The following FHOD1 variants were observed in gnomAD, a reference collection of about 807,000 sequenced individuals.
The protein encoded by FHOD1 is formin homology 2 domain containing 1, also known as FH1/FH2 domain-containing protein 1.
In FHOD1, 89 loss-of-function variants were observed where a neutral mutation model predicts 111.6. The observed-to-expected ratio is 0.80, with a 90% CI of 0.67 to 0.95. The LOEUF is 0.95. FHOD1 is among the 40% of genes least tolerant of loss of function. The probability of loss-of-function intolerance (pLI) is 0.00; values close to 1 mark genes in which losing one functional copy is unlikely to be tolerated. For missense variants in FHOD1, 1,446 were observed against 1,554.2 expected, an observed-to-expected ratio of 0.93 and a Z score of 1.17; for synonymous variants, 618 against 639.0, an observed-to-expected ratio of 0.97 and a Z score of 0.50.
chr16:67,239,431 C>A lies in FHOD1; in HGVS notation c.225G>T (p.Val75=). 6.2e-7 allele frequency: 1 copy of A among 1,614,082 alleles called. No homozygotes were observed. Among genetic ancestry groups the A allele is most frequent in the Non-Finnish European group, 8.5e-7 (1 of 1,179,988 alleles). ...TGTCCAGGTAGTATCCGGAGGGAGA[C>A]ACTTGCAGAGCACAATCCTCCAACT... is the stretch of plus-strand genomic sequence containing the variant. ...PLKLEDCALQ[V]SPSGYYLDTE... is the part of the protein sequence containing the mutation. The change falls in exon 2 of 22, where the codon GTG becomes GTT. Residue 75 remains valine, a synonymous_variant. Coordinates refer to ENST00000258201, the MANE Select transcript of FHOD1 (RefSeq NM_013241.3).
chr16:67,231,904 G>A lies in FHOD1; in HGVS notation c.2203-85C>T. ...TTGGTCTTGACCCCTCAGTCATCTA[G>A]GGGAGGCCCCAGTGTCTGGGGACTG... On this transcript the variant is annotated intron_variant, in intron 14 of 21. Transcript: ENST00000258201. This position sits in a 1 kb window ranked among gnomAD's most constrained non-coding sequence, Gnocchi z 4.3. The A allele has an allele frequency of 6.5e-7, 1 of 1,544,668 alleles. No individual in the cohort carries two copies. Among genetic ancestry groups the A allele is most frequent in the Non-Finnish European group, 8.8e-7 (1 of 1,141,084 alleles).
Position 67,231,911 on chromosome 16 carries a change from C to T in FHOD1, c.2203-92G>A. The T allele has an allele frequency of 6.5e-7, 1 of 1,535,542 alleles. No individual in the cohort carries two copies. The highest frequency in any genetic ancestry group is 8.8e-7 in the Non-Finnish European group (1 of 1,134,016). ...TGACCCCTCAGTCATCTAGGGGAGG[C>T]CCCAGTGTCTGGGGACTGCCCTGCA... On this transcript the variant is annotated intron_variant, in intron 14 of 21. Coordinates refer to ENST00000258201, the MANE Select transcript of FHOD1 (RefSeq NM_013241.3). The surrounding 1 kb of genome is among the most constrained non-coding windows in gnomAD (Gnocchi z 4.3).
rs1259941852 is a variant in FHOD1, at chr16:67,231,401, C to A, written c.2505+29G>T. 6.2e-7 allele frequency: 1 copy of A among 1,613,536 alleles called. No individual in the cohort carries two copies. The highest frequency in any genetic ancestry group is 8.5e-7 in the Non-Finnish European group (1 of 1,179,866). ...CCTGGTTGGCTCCAGAACCCTGACT[C>A]CCCCTAGTCCCCATGTACTCTCACT... On this transcript the variant is annotated intron_variant, in intron 16 of 21. Transcript: ENST00000258201. This position sits in a 1 kb window ranked among gnomAD's most constrained non-coding sequence, Gnocchi z 4.3.
chr16:67,239,215 C>T, intron 2 of FHOD1, 133 bp downstream of exon 2: 6 of 787,944 alleles, frequency 7.6e-6, no homozygotes, highest in Admixed American at 2.0e-5. Context: ...TAGAATTCCC[C>T]TGGCACACTT....
At chr16:67,241,114 ACCCCC>A (rs1186229148) in intron 1 of FHOD1, among the ~76,000 whole-genome samples, 1 of 83,266 alleles carries the variant, frequency 1.2e-5, no homozygotes, top group African/African-American at 5.6e-5. Context: ...CCCTTGGATG[ACCCCC>A]CCCCCCGCCC....
At chr16:67,246,410 A>G (rs1458326620) in intron 1 of FHOD1, among the ~76,000 whole-genome samples, 4 of 152,024 alleles carry the variant, frequency 2.6e-5, no homozygotes, top group East Asian at 1.9e-4. Flanking sequence ...CGGCGGCGAG[A>G]GGGAGGGGAG....
chr16:67,235,512 C>A, intron 11 of FHOD1, among the ~76,000 whole-genome samples: 1 of 144,780 alleles, frequency 6.9e-6, no homozygotes, highest in African/African-American at 2.6e-5. Context: ...CCTTGGAGAC[C>A]GAGCAAGACT....
In FHOD1 at chr16:67,230,592, T is replaced by C; in HGVS notation, c.2858+9A>G. 2.5e-6 allele frequency: 4 copies of C among 1,614,084 alleles called. No individual in the cohort carries two copies. In the East Asian group the frequency reaches 6.7e-5, roughly 27 times the overall value. ...GGCCGTCCTGCCTCTCTTGGGTCCATGCCCCTACCTATTGCAGACACGGCG... is the reference window on the plus strand; with the variant it reads ...GGCCGTCCTGCCTCTCTTGGGTCCACGCCCCTACCTATTGCAGACACGGCG... On this transcript the variant is annotated intron_variant, in intron 18 of 21. Transcript: ENST00000258201.
In FHOD1 at chr16:67,237,068, G is replaced by C; in HGVS notation, c.1040C>G (p.Ala347Gly). 4 of 1,613,212 alleles carry C rather than the reference G, an allele frequency of 2.5e-6. No homozygotes were observed. The highest frequency in any genetic ancestry group is 3.4e-6 in the Non-Finnish European group (4 of 1,179,736). The change falls in exon 10 of 22, where the codon GCT becomes GGT. Residue 347 changes from alanine to glycine, a missense_variant. Physicochemically the swap from Ala to Gly is moderately conservative, Grantham distance 60 (BLOSUM62 0). This residue lies in a region of FHOD1 where 1,085 missense variants were observed against 1,108.8 expected (regional missense o/e 0.98). Transcript: ENST00000258201. The surrounding 1 kb of genome is among the most constrained non-coding windows in gnomAD (Gnocchi z 5.6). Reference sequence around the variant, plus strand: ...CTTTCGTCGTTCCCGCCGCCCACCAGCGCCTGGGGCTTCTTCGATGTCTCC... The same window carrying C: ...CTTTCGTCGTTCCCGCCGCCCACCACCGCCTGGGGCTTCTTCGATGTCTCC... Reference protein sequence around the residue: ...EDGDIEEAPGAGGRRERRKPS... With the variant: ...EDGDIEEAPGGGGRRERRKPS...
chr16:67,239,116 C>A, intron 2 of FHOD1, 149 bp from the exon 3 acceptor site: 2 of 806,704 alleles, frequency 2.5e-6, no homozygotes, highest in South Asian at 1.6e-5. Flanking sequence ...GTTGGTCGGA[C>A]AAGAGGGTTG....
chr16:67,247,418 C>T lies in FHOD1; in HGVS notation c.-8G>A. 1 of 1,611,700 alleles carries T rather than the reference C, an allele frequency of 6.2e-7. No individual in the cohort carries two copies. Among genetic ancestry groups the T allele is most frequent in the Non-Finnish European group, 8.5e-7 (1 of 1,179,186 alleles). ...GTCTTCCCCGCCCGCCATGGCTCTG[C>T]GGCCGGCTCACGCAGCGCGCCTCCG... is the stretch of plus-strand genomic sequence containing the variant. On this transcript the variant is annotated 5_prime_UTR_variant, in exon 1 of 22. Transcript: ENST00000258201.
intron 13 of FHOD1, among the ~76,000 whole-genome samples, chr16:67,232,638 C>T (rs964814212): frequency 6.6e-6 from 1 of 151,858 alleles, no homozygotes; most frequent in Admixed American, 6.6e-5. Flanking sequence ...AAACTGGCAA[C>T]CTGGAATGTG....
rs201097392 is a variant in FHOD1, at chr16:67,233,992, C to G, written c.1711G>C (p.Ala571Pro). Residue 571 changes from alanine to proline, a missense_variant, in exon 13 of 22, where the codon GCT becomes CCT. Transcript: ENST00000258201. ...AGCAGGGGCAGTGGGGGTGAGGGAG[C>G]TGGGATGTCTTTCCCAGCCTCCACA... ...ESVEAGKDIP[A>P]PSPPLPLLSG... is the part of the protein sequence containing the mutation. The G allele has an allele frequency of 3.0e-5, 48 of 1,612,474 alleles. No homozygotes were observed. The highest frequency in any genetic ancestry group is 8.5e-6 in the Non-Finnish European group (10 of 1,179,876).
At chr16:67,236,087 G>C (rs2034464837) in intron 11 of FHOD1, 1 of 955,692 alleles carries the variant, frequency 1.0e-6, no homozygotes, top group Non-Finnish European at 1.2e-6. Context: ...GGGGGGATGA[G>C]AGGAAGAGAT....
At position 67,230,237 on chromosome 16, in the gene FHOD1, A is replaced by C; in HGVS notation, c.3052-9T>G. The C allele has an allele frequency of 6.2e-7, 1 of 1,613,800 alleles. No homozygotes were observed. Among genetic ancestry groups the C allele is most frequent in the Non-Finnish European group, 8.5e-7 (1 of 1,179,784 alleles). The stretch of plus-strand genomic sequence containing the variant: ...CCTGAGAACTTCTCTGTCTGGAGAA[A>C]GAAGAAGGGTGAGCTGGGAGGAGCG... On this transcript the variant is annotated splice_polypyrimidine_tract_variant and intron_variant, in intron 19 of 21. Coordinates refer to ENST00000258201, the MANE Select transcript of FHOD1 (RefSeq NM_013241.3).
At position 67,238,415 on chromosome 16, in the gene FHOD1, G is replaced by A. The variant is rs145840650; in HGVS notation, c.406C>T (p.Arg136Cys). The change falls in exon 4 of 22, where the codon CGC becomes TGC. Residue 136 changes from arginine (R) to cysteine (C), a missense_variant. Arg to Cys is a radical substitution (Grantham distance 180, BLOSUM62 -3). Coordinates refer to ENST00000258201, the MANE Select transcript of FHOD1 (RefSeq NM_013241.3). The surrounding 1 kb of genome is among the most constrained non-coding windows in gnomAD (Gnocchi z 4.2). ...TGCTTCAGTGAGAAGAGGGAGCGGC[G>A]GAGCTCAGGACCACTGGAGCTATAC... is the stretch of plus-strand genomic sequence containing the variant. ...KLYSSSGPEL[R>C]RSLFSLKQIF... 2.1e-5 allele frequency: 34 copies of A among 1,614,074 alleles called. No homozygotes were observed. Among genetic ancestry groups the A allele is most frequent in the Non-Finnish European group, 2.5e-5 (30 of 1,179,998 alleles).
chr16:67,246,668 TC>T (rs1211156003), intron 1 of FHOD1, among the ~76,000 whole-genome samples: 2 of 152,158 alleles, frequency 1.3e-5, no homozygotes, highest in Non-Finnish European at 2.9e-5. Flanking sequence ...TCGCGGGGAC[TC>T]CCCTCACCCC....
Position 67,236,724 on chromosome 16 carries a change from G to C in FHOD1, c.1152C>G (p.Gly384=), listed in dbSNP as rs757792035. ...PARAPEPGPT[G]PASPVGPTSS... ...AGGTGGGGCCTACCGGTGAGGCGGG[G>C]CCTGTGGGGCTGAAAGCAGGGGCTG... The change falls in exon 11 of 22, where the codon GGC becomes GGG. Residue 384 remains glycine, a synonymous_variant. Coordinates refer to ENST00000258201, the MANE Select transcript of FHOD1 (RefSeq NM_013241.3). 1.3e-6 allele frequency: 2 copies of C among 1,549,940 alleles called. No homozygotes were observed. The highest frequency in any genetic ancestry group is 1.7e-6 in the Non-Finnish European group (2 of 1,147,598).
At chr16:67,230,027 G>A in intron 20 of FHOD1, 37 bp from the exon 21 acceptor site, 4 of 1,612,992 alleles carry the variant, frequency 2.5e-6, no homozygotes, top group Non-Finnish European at 3.4e-6. Flanking sequence ...GGCCAAGGTG[G>A]CACTGGAGCC....
Sources: allele counts gnomAD v4.1 joint callset (sites outside exome capture counted in the v4.1 genomes callset), GRCh38; gene constraint gnomAD v4.1.1; regional missense constraint gnomAD v4.1.1; non-coding constraint Gnocchi (gnomAD v3.1); transcripts MANE v1.5; gene names NCBI Gene and HGNC (gene_info 2026-07-23, HGNC 2026-07-21).